LDHB: variants seen among roughly 807,000 people sequenced by gnomAD.
LDHB encodes L-lactate dehydrogenase B chain.
A neutral mutation model predicts 33.4 loss-of-function variants in LDHB; 18 were observed. That is an observed-to-expected ratio of 0.54 (90% CI 0.37 to 0.80). The LOEUF is 0.80. Among genes scored for constraint, LDHB ranks in the 30% least tolerant of loss-of-function variants. The pLI is 0.00. For synonymous variants in LDHB, 121 were observed against 140.6 expected (o/e 0.86, Z 0.98); for missense variants, 345 against 407.9 (o/e 0.85, Z 1.33).
intron 5 of LDHB, among the ~76,000 whole-genome samples, chr12:21,640,111 A>G (rs1227355270): frequency 6.8e-6 from 1 of 147,126 alleles, no homozygotes; most frequent in Admixed American, 6.9e-5. Flanking sequence ...TATTATTAAT[A>G]AAATATTTTA....
chr12:21,654,785 A>G, intron 1 of LDHB, 108 bp from the exon 2 acceptor site: 1 of 873,702 alleles, frequency 1.1e-6, no homozygotes, highest in Non-Finnish European at 1.9e-6. Context: ...TACAACTTAA[A>G]ATGAGCCTAA....
intron 4 of LDHB, 75 bp from the exon 5 acceptor site, chr12:21,642,200 G>A: frequency 9.5e-7 from 1 of 1,053,454 alleles, no homozygotes; most frequent in South Asian, 1.3e-5. Context: ...GGGTGCCCTG[G>A]CTTCCCTTTT....
intron 3 of LDHB, among the ~76,000 whole-genome samples, chr12:21,644,446 C>CAAACAA: frequency 9.2e-6 from 1 of 108,846 alleles, no homozygotes; most frequent in Middle Eastern, 5.2e-3. Flanking sequence ...AAAAAAAAAA[C>CAAACAA]AAAAACAAAA....
intron 1 of LDHB, among the ~76,000 whole-genome samples, chr12:21,654,949 C>T (rs373342560): frequency 2.0e-4 from 30 of 151,700 alleles, no homozygotes; most frequent in African/African-American, 7.0e-4. Context: ...GGTGAAACCC[C>T]GTCTCTACTA....
At chr12:21,654,074 C>G (rs1324407190) in intron 2 of LDHB, among the ~76,000 whole-genome samples, 2 of 152,136 alleles carry the variant, frequency 1.3e-5, no homozygotes, top group Non-Finnish European at 2.9e-5. Context: ...TACAAGAAAA[C>G]ATCAGACAGA....
intron 5 of LDHB, among the ~76,000 whole-genome samples, chr12:21,639,008 TA>T (rs1416432861): frequency 1.3e-5 from 2 of 151,944 alleles, no homozygotes. Context: ...AATTGGACCT[TA>T]AAACCTAAGT....
At chr12:21,644,424 C>CAAAAAAAAAAAAAAAAAAAA (rs72491634) in intron 3 of LDHB, among the ~76,000 whole-genome samples, 2 of 15,258 alleles carry the variant, frequency 1.3e-4, no homozygotes, top group Non-Finnish European at 2.0e-4. Flanking sequence ...AGGTAGACAT[C>CAAAAAAAAAAAAAAAAAAAA]AAAAAAAAAA....
chr12:21,651,069 A>T (rs1320091484), intron 2 of LDHB, among the ~76,000 whole-genome samples: 3 of 152,254 alleles, frequency 2.0e-5, no homozygotes, highest in Non-Finnish European at 4.4e-5. Context: ...GGTGAAGGGA[A>T]ATGCAAGCAA....
chr12:21,641,568 G>A (rs1938368504), intron 5 of LDHB, among the ~76,000 whole-genome samples: 1 of 152,156 alleles, frequency 6.6e-6, no homozygotes, highest in Admixed American at 6.6e-5. Context: ...GGACACTATT[G>A]AGACAGTTGA....
chr12:21,650,917 A>T (rs907869455), intron 2 of LDHB, among the ~76,000 whole-genome samples: 1 of 152,242 alleles, frequency 6.6e-6, no homozygotes, highest in Non-Finnish European at 1.5e-5. Flanking sequence ...AGGGCATAAG[A>T]CAAGGAGATG....
intron 2 of LDHB, 84 bp downstream of exon 2, chr12:21,654,459 G>C: frequency 7.7e-7 from 1 of 1,303,398 alleles, no homozygotes. Flanking sequence ...ATCTTTTAAA[G>C]ATATAATAAA....
chr12:21,652,754 G>A (rs986306056), intron 2 of LDHB, among the ~76,000 whole-genome samples: 6 of 151,378 alleles, frequency 4.0e-5, no homozygotes, highest in African/African-American at 1.2e-4. Flanking sequence ...CTAGCTAGAA[G>A]GAAATGCAAA....
chr12:21,647,074 C>CA (rs1214022360), intron 2 of LDHB, 58 bp from the exon 3 acceptor site: 1 of 913,290 alleles, frequency 1.1e-6, no homozygotes. Flanking sequence ...CGTCAGCTCA[C>CA]AATCTAACCC....
At chr12:21,637,305 ACC>A in intron 6 of LDHB, 111 bp from the exon 7 acceptor site, 1 of 805,886 alleles carries the variant, frequency 1.2e-6, no homozygotes, top group Non-Finnish European at 2.1e-6. Flanking sequence ...CAAATTATTT[ACC>A]CTTTATTGCC....
At chr12:21,635,932 T>C (rs991228194) in intron 7 of LDHB, among the ~76,000 whole-genome samples, 2 of 152,050 alleles carry the variant, frequency 1.3e-5, no homozygotes, top group Non-Finnish European at 2.9e-5. Context: ...ACAGAAAGAA[T>C]TGTAGAAAAC....
rs779501801 is a variant in LDHB at position 21,654,646 on chromosome 12, A to C, written c.26T>G (p.Ile9Ser). 6.2e-7 allele frequency: 1 copy of C among 1,614,040 alleles called. No homozygotes were observed. The highest frequency in any genetic ancestry group is 8.5e-7 in the Non-Finnish European group (1 of 1,179,900). Residue 9 changes from isoleucine to serine, a missense_variant, in exon 2 of 8, where the codon ATT (isoleucine) becomes AGT (serine). By Grantham distance (142) the Ile-to-Ser change is moderately radical. Coordinates refer to ENST00000350669, the MANE Select transcript of LDHB (RefSeq NM_002300.8). MATLKEKL[I>S]APVAEEEATV... is the part of the protein sequence containing the mutation. ...TGCCTCTTCTTCCGCAACTGGTGCAATGAGTTTTTCCTTAAGAGTTGCCAT... is the reference window on the plus strand; with the variant it reads ...TGCCTCTTCTTCCGCAACTGGTGCACTGAGTTTTTCCTTAAGAGTTGCCAT...
rs774745720 is a variant in LDHB at position 21,635,705 on chromosome 12, A to C, written c.842T>G (p.Met281Arg). The C allele has an allele frequency of 6.2e-7, 1 of 1,613,506 alleles. No individual in the cohort carries two copies. ...IHPVSTMVKG[M>R]YGIENEVFLS... The stretch of plus-strand genomic sequence containing the variant: ...GAAGACTTCATTCTCAATGCCATAC[A>C]TCCCCTGCCAGAACAACAAAGCATC... The change falls in exon 8 of 8, where the codon ATG becomes AGG. Residue 281 changes from methionine (M) to arginine (R), a missense_variant. Met to Arg is a moderately conservative substitution (Grantham distance 91, BLOSUM62 -1). Coordinates refer to ENST00000350669, the MANE Select transcript of LDHB (RefSeq NM_002300.8).
intron 1 of LDHB, 43 bp from the exon 2 acceptor site, chr12:21,654,720 G>A: frequency 1.3e-6 from 2 of 1,501,488 alleles, no homozygotes; most frequent in Non-Finnish European, 1.9e-6. Flanking sequence ...ATCTGCATAT[G>A]AAATCCAAAT....
At chr12:21,644,744 A>G (rs1305004013) in intron 3 of LDHB, among the ~76,000 whole-genome samples, 1 of 152,158 alleles carries the variant, frequency 6.6e-6, no homozygotes, top group Admixed American at 6.5e-5. Context: ...GCGGCTTTTG[A>G]TGATTGGTAA....
Sources: gnomAD v4.1 joint callset for allele counts (sites outside exome capture counted in the v4.1 genomes callset) on GRCh38, gnomAD v4.1.1 for gene constraint, MANE v1.5 for transcripts, NCBI Gene and HGNC (gene_info 2026-07-23, HGNC 2026-07-21) for gene names.